ADAMTS19: variants seen among roughly 807,000 people sequenced by gnomAD.
ADAMTS19 encodes A disintegrin and metalloproteinase with thrombospondin motifs 19.
Under a neutral mutation model 153.3 loss-of-function variants are expected in ADAMTS19, and 93 were observed. The ratio of observed to expected loss-of-function variants is 0.61; its 90% CI spans 0.51 to 0.72. The LOEUF (loss-of-function observed/expected upper bound fraction) is 0.72, where lower values mean the gene tolerates loss of function less well. ADAMTS19 is among the 30% of genes least tolerant of loss of function. The pLI is 0.00. For synonymous variants in ADAMTS19, 600 were observed against 556.6 expected, an observed-to-expected ratio of 1.08 and a Z score of -1.10; for missense variants, 1,482 against 1,552.1, an observed-to-expected ratio of 0.95 and a Z score of 0.76.
chr5:129,540,981 C>T (rs1484489520), intron 6 of ADAMTS19, among the ~76,000 whole-genome samples: 1 of 151,930 alleles, frequency 6.6e-6, no homozygotes, highest in African/African-American at 2.4e-5. Context: ...ATCTCTATCC[C>T]CATCCCATAA....
At chr5:129,616,429 C>T (rs1044428858) in intron 8 of ADAMTS19, among the ~76,000 whole-genome samples, 5 of 151,880 alleles carry the variant, frequency 3.3e-5, no homozygotes, top group Non-Finnish European at 5.9e-5. Context: ...TAAAATATTA[C>T]TGTTTACAAA....
rs772048826 is a variant in ADAMTS19, at chr5:129,509,187, G to A, written c.858G>A (p.Glu286=). 3.7e-6 allele frequency: 6 copies of A among 1,612,290 alleles called. No homozygotes were observed. Among genetic ancestry groups the A allele is most frequent in the Non-Finnish European group, 5.1e-6 (6 of 1,178,790 alleles). The change falls in exon 3 of 23, where the codon GAG becomes GAA. Residue 286 remains glutamate, a synonymous_variant. Transcript: ENST00000274487. ...HRVYRQKRSM[E]EKVTEKSALH... is the part of the protein sequence containing the mutation. ...TATATAGGCAGAAAAGGTCCATGGAGGAAAAGGTCACAGAGAAGTCAGCTC... is the reference window on the plus strand; with the variant it reads ...TATATAGGCAGAAAAGGTCCATGGAAGAAAAGGTCACAGAGAAGTCAGCTC...
At chr5:129,627,149 G>C (rs1752086739) in intron 10 of ADAMTS19, among the ~76,000 whole-genome samples, 2 of 151,898 alleles carry the variant, frequency 1.3e-5, no homozygotes, top group Non-Finnish European at 2.9e-5. Context: ...AAGATATTGG[G>C]GACATGATAC....
intron 2 of ADAMTS19, among the ~76,000 whole-genome samples, chr5:129,470,782 G>C (rs568586583): frequency 6.6e-6 from 1 of 152,266 alleles, no homozygotes; most frequent in South Asian, 2.1e-4. Flanking sequence ...TCAGGGAATG[G>C]TGCTGGTGAG....
chr5:129,521,928 T>C (rs907132025), intron 3 of ADAMTS19, among the ~76,000 whole-genome samples: 1 of 152,074 alleles, frequency 6.6e-6, no homozygotes, highest in South Asian at 2.1e-4. Context: ...TAGTCTCTAC[T>C]ACAGCATCTC....
intron 10 of ADAMTS19, among the ~76,000 whole-genome samples, chr5:129,632,460 T>C (rs1054887858): frequency 1.3e-5 from 2 of 152,110 alleles, no homozygotes; most frequent in Non-Finnish European, 1.5e-5. Context: ...GGATTAAGAA[T>C]GTAAAAATAG....
At chr5:129,608,641 A>G (rs977106637) in intron 8 of ADAMTS19, among the ~76,000 whole-genome samples, 7 of 152,020 alleles carry the variant, frequency 4.6e-5, no homozygotes, top group African/African-American at 1.7e-4. Context: ...ACCAGTTATA[A>G]TGGCTCACAG....
At chr5:129,527,931 G>C (rs1428113657) in intron 5 of ADAMTS19, 100 bp downstream of exon 5, 4 of 719,212 alleles carry the variant, frequency 5.6e-6, no homozygotes, top group Non-Finnish European at 9.3e-6. Context: ...TAAAAATCCA[G>C]AAATATCCAC....
At chr5:129,726,692 A>G (rs1189661068) in intron 21 of ADAMTS19, among the ~76,000 whole-genome samples, 1 of 152,102 alleles carries the variant, frequency 6.6e-6, no homozygotes, top group African/African-American at 2.4e-5. Context: ...AGTGGAAATA[A>G]CATTATATCT....
At chr5:129,539,565 T>G (rs1171142626) in intron 6 of ADAMTS19, among the ~76,000 whole-genome samples, 1 of 152,110 alleles carries the variant, frequency 6.6e-6, no homozygotes, top group Admixed American at 6.6e-5. Context: ...CGGAAACTGA[T>G]GCATTCCTAT....
intron 21 of ADAMTS19, among the ~76,000 whole-genome samples, chr5:129,720,148 G>GTATA (rs35948614): frequency 5.6e-5 from 8 of 143,200 alleles, no homozygotes; most frequent in African/African-American, 1.3e-4. Context: ...ATGTGTGTAT[G>GTATA]TATATATATA....
chr5:129,503,709 T>C (rs1751179611), intron 2 of ADAMTS19, among the ~76,000 whole-genome samples: 1 of 151,950 alleles, frequency 6.6e-6, no homozygotes, highest in South Asian at 2.1e-4. Flanking sequence ...GTGCCTGTGA[T>C]CCCAACTACT....
At chr5:129,540,371 G>A (rs1396284088) in intron 6 of ADAMTS19, among the ~76,000 whole-genome samples, 3 of 151,866 alleles carry the variant, frequency 2.0e-5, no homozygotes, top group Non-Finnish European at 4.4e-5. Flanking sequence ...TATGCTTCTG[G>A]GTTCATAGTA....
At chr5:129,646,330 G>T (rs1753066297) in intron 11 of ADAMTS19, among the ~76,000 whole-genome samples, 1 of 152,040 alleles carries the variant, frequency 6.6e-6, no homozygotes, top group Admixed American at 6.6e-5. Context: ...TCTAAAAGAG[G>T]TTGAATTTAA....
intron 21 of ADAMTS19, among the ~76,000 whole-genome samples, chr5:129,726,791 T>A (rs1281693234): frequency 1.3e-5 from 2 of 152,130 alleles, no homozygotes; most frequent in African/African-American, 4.8e-5. Context: ...GATTTTCCCA[T>A]TTGAATTACA....
At chr5:129,471,200 A>C (rs986215615) in intron 2 of ADAMTS19, among the ~76,000 whole-genome samples, 1 of 152,060 alleles carries the variant, frequency 6.6e-6, no homozygotes. Context: ...GAAGTTAAAA[A>C]GAATCTAAGA....
chr5:129,635,556 C>A (rs566380465), intron 10 of ADAMTS19, among the ~76,000 whole-genome samples: 1 of 152,240 alleles, frequency 6.6e-6, no homozygotes, highest in East Asian at 1.9e-4. Flanking sequence ...ACATATACAT[C>A]ATGGAATACT....
intron 6 of ADAMTS19, among the ~76,000 whole-genome samples, chr5:129,535,838 C>T (rs569889390): frequency 2.0e-5 from 3 of 152,100 alleles, no homozygotes; most frequent in Non-Finnish European, 4.4e-5. Context: ...ATAAATGGTG[C>T]TGGGAAAACT....
chr5:129,667,117 C>A (rs1010762598), intron 16 of ADAMTS19, among the ~76,000 whole-genome samples: 1 of 152,096 alleles, frequency 6.6e-6, no homozygotes, highest in Non-Finnish European at 1.5e-5. Context: ...GTTGACAAAT[C>A]CAATGTTACT....
Sources: gnomAD v4.1 joint callset for allele counts (sites outside exome capture counted in the v4.1 genomes callset) on GRCh38, gnomAD v4.1.1 for gene constraint, MANE v1.5 for transcripts, NCBI Gene and HGNC (gene_info 2026-07-23, HGNC 2026-07-21) for gene names.